Variants in SLC44A5 observed in about 807,000 individuals in gnomAD.
The protein encoded by SLC44A5 is choline transporter-like protein 5.
In SLC44A5, 57 loss-of-function variants were observed where a neutral mutation model predicts 101.8. The observed-to-expected ratio is 0.56, with a 90% CI of 0.45 to 0.70. The LOEUF is 0.70. Ranked by LOEUF, SLC44A5 falls within the 30% of genes least tolerant of loss-of-function variation. The pLI, the probability that SLC44A5 is intolerant of heterozygous loss-of-function variation, is 0.00. For synonymous variants in SLC44A5, 281 were observed against 290.9 expected (o/e 0.97, Z 0.35); for missense variants, 737 against 853.1 (o/e 0.86, Z 1.70).
chr1:75,357,909 G>A (rs1659199047), intron 3 of SLC44A5, among the ~76,000 whole-genome samples: 1 of 152,056 alleles, frequency 6.6e-6, no homozygotes, highest in East Asian at 1.9e-4. Context: ...ACCCGTTCCA[G>A]AACTTTAGAA....
chr1:75,641,604 T>G, the SLC44A5 span: 1 of 1,501,052 alleles, frequency 6.7e-7, no homozygotes, highest in Non-Finnish European at 9.3e-7. Flanking sequence ...TTACATTCTT[T>G]GGGATTATTT....
intron 2 of SLC44A5, among the ~76,000 whole-genome samples, chr1:75,499,500 C>T (rs758661144): frequency 3.9e-5 from 6 of 152,174 alleles, no homozygotes; most frequent in Admixed American, 2.0e-4. Flanking sequence ...GTCCATGGTT[C>T]GGGGGTTGGG....
intron 1 of SLC44A5, among the ~76,000 whole-genome samples, chr1:75,571,913 CA>C (rs1302203853): frequency 1.3e-5 from 2 of 151,922 alleles, no homozygotes; most frequent in East Asian, 3.9e-4. Flanking sequence ...AAGTAATCAA[CA>C]AATGAATTAG....
chr1:75,308,474 A>G (rs1188347683), intron 4 of SLC44A5, among the ~76,000 whole-genome samples: 1 of 152,144 alleles, frequency 6.6e-6, no homozygotes, highest in Non-Finnish European at 1.5e-5. Context: ...ATAAGACAAA[A>G]TTGGTTTTAC....
intron 1 of SLC44A5, among the ~76,000 whole-genome samples, chr1:75,594,498 T>C (rs1017294810): frequency 6.6e-6 from 1 of 152,048 alleles, no homozygotes; most frequent in African/African-American, 2.4e-5. Flanking sequence ...AGCTGAATTT[T>C]GGTCTTAATA....
intron 18 of SLC44A5, among the ~76,000 whole-genome samples, chr1:75,217,361 C>T (rs1191075949): frequency 6.6e-6 from 1 of 151,982 alleles, no homozygotes; most frequent in Non-Finnish European, 1.5e-5. Context: ...ATGAGTCTTC[C>T]AGCTTTTTTG....
chr1:75,356,039 C>G (rs529253829), intron 3 of SLC44A5, among the ~76,000 whole-genome samples: 2 of 151,630 alleles, frequency 1.3e-5, no homozygotes, highest in East Asian at 1.9e-4. Context: ...TGGTGAAACC[C>G]CATCTCTACA....
rs1465996806 is a variant in SLC44A5 at position 75,251,271 on chromosome 1, A to T, written c.284T>A (p.Phe95Tyr). 6.2e-7 allele frequency: 1 copy of T among 1,613,294 alleles called. No individual in the cohort carries two copies. Among genetic ancestry groups the T allele is most frequent in the Non-Finnish European group, 8.5e-7 (1 of 1,179,428 alleles). Reference sequence around the variant, plus strand: ...GGGACTGGTACAGCGTAACAGGTTAAAGTAAAACAAAATGGTCTTGTTCCT... The same window carrying T: ...GGGACTGGTACAGCGTAACAGGTTATAGTAAAACAAAATGGTCTTGTTCCT... The part of the protein sequence containing the change: ...PNENKTILFY[F>Y]NLLRCTSPSV... The change falls in exon 7 of 24, where the codon TTT becomes TAT. Residue 95 changes from phenylalanine (F) to tyrosine (Y), a missense_variant. By Grantham distance (22) the Phe-to-Tyr change is conservative. This residue lies in a region of SLC44A5 where 665 missense variants were observed against 764.4 expected (regional missense o/e 0.87). Transcript: ENST00000370859.
chr1:75,577,454 A>G (rs1405699037), intron 1 of SLC44A5, among the ~76,000 whole-genome samples: 1 of 152,126 alleles, frequency 6.6e-6, no homozygotes, highest in Non-Finnish European at 1.5e-5. Context: ...GAGCCTTCGC[A>G]CTTATTCCCT....
chr1:75,634,861 G>C, the SLC44A5 span, among the ~76,000 whole-genome samples: 37,715 of 152,030 alleles, frequency 0.25, 5,115 homozygotes, highest in Middle Eastern at 0.37. Context: ...TACCATCAGA[G>C]TGAACAGGCA....
At chr1:75,572,596 C>T (rs963221837) in intron 1 of SLC44A5, among the ~76,000 whole-genome samples, 2 of 151,874 alleles carry the variant, frequency 1.3e-5, no homozygotes, top group African/African-American at 2.4e-5. Flanking sequence ...TGAGAAGTAC[C>T]AAGGTAAAAA....
chr1:75,410,133 G>T (rs1663181466), intron 2 of SLC44A5, among the ~76,000 whole-genome samples: 1 of 152,018 alleles, frequency 6.6e-6, no homozygotes, highest in African/African-American at 2.4e-5. Flanking sequence ...TGTTATATAT[G>T]TTACACATTT....
chr1:75,494,212 T>G (rs1336147434), intron 2 of SLC44A5, among the ~76,000 whole-genome samples: 2 of 152,190 alleles, frequency 1.3e-5, no homozygotes, highest in Non-Finnish European at 2.9e-5. Context: ...TGCCTTTATC[T>G]TGAACTTCCC....
intron 2 of SLC44A5, chr1:75,402,266 C>T: frequency 5.4e-6 from 1 of 183,998 alleles, no homozygotes; most frequent in South Asian, 8.1e-5. Context: ...CTGCCTCTCA[C>T]TCACTATGGC....
At chr1:75,230,488 A>C (rs963671623) in intron 12 of SLC44A5, among the ~76,000 whole-genome samples, 1 of 151,790 alleles carries the variant, frequency 6.6e-6, no homozygotes, top group African/African-American at 2.4e-5. Flanking sequence ...TGACCTTGCG[A>C]TCCACCTGCC....
chr1:75,289,511 T>A (rs764338980), intron 5 of SLC44A5, among the ~76,000 whole-genome samples: 4 of 152,140 alleles, frequency 2.6e-5, no homozygotes, highest in Non-Finnish European at 5.9e-5. Flanking sequence ...CCATTCCCAA[T>A]GGATATGACA....
chr1:75,484,588 G>A (rs1668054521), intron 2 of SLC44A5, among the ~76,000 whole-genome samples: 1 of 152,186 alleles, frequency 6.6e-6, no homozygotes, highest in African/African-American at 2.4e-5. Context: ...AGCCGTTGGT[G>A]TATCTACCAT....
At chr1:75,510,864 C>T (rs1249047046) in intron 2 of SLC44A5, among the ~76,000 whole-genome samples, 2 of 152,122 alleles carry the variant, frequency 1.3e-5, no homozygotes, top group Non-Finnish European at 2.9e-5. Context: ...AATGGTAGGC[C>T]GGGCGCTGTG....
At chr1:75,359,210 T>C (rs1659303681) in intron 3 of SLC44A5, among the ~76,000 whole-genome samples, 1 of 151,204 alleles carries the variant, frequency 6.6e-6, no homozygotes, top group Admixed American at 6.6e-5. Context: ...TGCTATTATG[T>C]ATATATGCCA....
Sources: allele counts gnomAD v4.1 joint callset (sites outside exome capture counted in the v4.1 genomes callset), GRCh38; gene constraint gnomAD v4.1.1; regional missense constraint gnomAD v4.1.1; transcripts MANE v1.5; gene names NCBI Gene and HGNC (gene_info 2026-07-23, HGNC 2026-07-21).